Variants in MAN1A2 observed in about 807,000 individuals in gnomAD.
The protein encoded by MAN1A2 is mannosyl-oligosaccharide 1,2-alpha-mannosidase IB.
A neutral mutation model predicts 75.7 loss-of-function variants in MAN1A2; 26 were observed. That is an observed-to-expected ratio of 0.34 (90% CI 0.25 to 0.48). The LOEUF (loss-of-function observed/expected upper bound fraction) is 0.48. Ranked by LOEUF, MAN1A2 falls within the 20% of genes least tolerant of loss-of-function variation. The probability of loss-of-function intolerance (pLI) is 0.99; values close to 1 mark genes in which losing one functional copy is unlikely to be tolerated. For missense variants in MAN1A2, 562 were observed against 775.5 expected, an observed-to-expected ratio of 0.72 and a Z score of 3.27; for synonymous variants, 247 against 264.6, an observed-to-expected ratio of 0.93 and a Z score of 0.65.
intron 3 of MAN1A2, among the ~76,000 whole-genome samples, chr1:117,411,398 T>C (rs1472091424): frequency 6.6e-6 from 1 of 151,780 alleles, no homozygotes; most frequent in Non-Finnish European, 1.5e-5. Flanking sequence ...AGAATGAGCT[T>C]TGCCTCTTCC....
At chr1:117,492,782 C>A (rs1650922059) in intron 8 of MAN1A2, among the ~76,000 whole-genome samples, 1 of 151,912 alleles carries the variant, frequency 6.6e-6, no homozygotes, top group African/African-American at 2.4e-5. Flanking sequence ...TTAAGTTGAG[C>A]TTTCATATTT....
intron 4 of MAN1A2, among the ~76,000 whole-genome samples, chr1:117,418,732 G>A (rs1648093315): frequency 1.3e-5 from 2 of 152,014 alleles, no homozygotes; most frequent in South Asian, 4.1e-4. Context: ...TTTCAAAAAT[G>A]TCTCTATCCT....
chr1:117,521,904 A>G (rs937661604), intron 12 of MAN1A2, among the ~76,000 whole-genome samples: 2 of 151,938 alleles, frequency 1.3e-5, no homozygotes, highest in African/African-American at 2.4e-5. Flanking sequence ...ATTGGAAACT[A>G]TTATTCTAGG....
In MAN1A2 at chr1:117,406,878, A is replaced by C. The variant is rs939317389; in HGVS notation, c.655+1233A>C. Among the ~76,000 whole-genome samples, 3 of 152,052 alleles carry C rather than the reference A, an allele frequency of 2.0e-5. No homozygotes were observed. The East Asian group carries it at 5.8e-4, about 29-fold the overall frequency. On this transcript the variant is annotated intron_variant, in intron 3 of 12. Transcript: ENST00000356554. ...TCAACGGTAAATTGTGAGCCTTTTA[A>C]AAAGATTGGAGTATAAAAATGTATT...
chr1:117,430,057 C>A (rs1363675009), intron 5 of MAN1A2, among the ~76,000 whole-genome samples: 4 of 32,706 alleles, frequency 1.2e-4, no homozygotes, highest in African/African-American at 5.0e-4. Flanking sequence ...CCCTCCCGGA[C>A]GGGGCGGCTG....
chr1:117,368,625 C>T (rs1252856044), intron 1 of MAN1A2, 140 bp downstream of exon 1: 3 of 746,658 alleles, frequency 4.0e-6, no homozygotes, highest in African/African-American at 3.6e-5. Flanking sequence ...TCAAGACTGG[C>T]TGAATAAAAC....
intron 1 of MAN1A2, among the ~76,000 whole-genome samples, chr1:117,387,736 CCA>C (rs2101735151): frequency 6.6e-6 from 1 of 152,102 alleles, no homozygotes; most frequent in East Asian, 1.9e-4. Context: ...ACATTATTTC[CCA>C]CAGTTCTGGA....
At chr1:117,370,296 G>T (rs1245168039) in intron 1 of MAN1A2, among the ~76,000 whole-genome samples, 4 of 152,170 alleles carry the variant, frequency 2.6e-5, no homozygotes, top group Non-Finnish European at 5.9e-5. Flanking sequence ...GTTTTGGCTA[G>T]TAAGAGTCTG....
chr1:117,479,388 A>C (rs765449485), intron 8 of MAN1A2, among the ~76,000 whole-genome samples: 2 of 151,944 alleles, frequency 1.3e-5, no homozygotes, highest in Non-Finnish European at 2.9e-5. Flanking sequence ...ACTATTGTGA[A>C]TAGTGCTGCA....
intron 8 of MAN1A2, among the ~76,000 whole-genome samples, chr1:117,477,111 C>A (rs1650338629): frequency 6.6e-6 from 1 of 151,850 alleles, no homozygotes. Context: ...CTGAATAGAC[C>A]AATAACAAGT....
intron 3 of MAN1A2, among the ~76,000 whole-genome samples, chr1:117,408,772 A>AT (rs1458917339): frequency 2.9e-4 from 17 of 58,286 alleles, no homozygotes; most frequent in Non-Finnish European, 5.3e-4. Flanking sequence ...TTGCATCTGG[A>AT]ATTTTTTTTT....
At chr1:117,403,388 GCACT>G (rs1647506727) in intron 2 of MAN1A2, among the ~76,000 whole-genome samples, 1 of 152,108 alleles carries the variant, frequency 6.6e-6, no homozygotes, top group African/African-American at 2.4e-5. Context: ...ACTACTTAAG[GCACT>G]TCCTTCGGAC....
intron 6 of MAN1A2, among the ~76,000 whole-genome samples, chr1:117,454,861 A>G (rs576913283): frequency 2.0e-5 from 3 of 152,126 alleles, no homozygotes; most frequent in Non-Finnish European, 2.9e-5. Context: ...GAAGTGGTAT[A>G]ATATATAAAG....
At chr1:117,432,703 C>G (rs1648710140) in intron 5 of MAN1A2, among the ~76,000 whole-genome samples, 1 of 151,836 alleles carries the variant, frequency 6.6e-6, no homozygotes, top group Admixed American at 6.6e-5. Flanking sequence ...TCATTCTTCC[C>G]CAGAGGAACA....
chr1:117,446,197 G>A (rs59797722), intron 6 of MAN1A2, among the ~76,000 whole-genome samples: 37,765 of 150,884 alleles, frequency 0.25, 5,515 homozygotes, highest in East Asian at 0.47. Flanking sequence ...GTTTAATGAG[G>A]CATTTGTCAA....
intron 5 of MAN1A2, among the ~76,000 whole-genome samples, chr1:117,428,136 C>A (rs1445789077): frequency 2.0e-5 from 3 of 149,662 alleles, no homozygotes; most frequent in East Asian, 2.0e-4. Flanking sequence ...TGGGGGGGGA[C>A]CGAGTCTCAC....
At chr1:117,480,144 C>T (rs941272597) in intron 8 of MAN1A2, among the ~76,000 whole-genome samples, 2 of 151,880 alleles carry the variant, frequency 1.3e-5, no homozygotes, top group African/African-American at 2.4e-5. Context: ...AAGTGCTGCT[C>T]AGTACTCTGC....
At chr1:117,387,904 C>T (rs932863389) in intron 1 of MAN1A2, among the ~76,000 whole-genome samples, 1 of 151,958 alleles carries the variant, frequency 6.6e-6, no homozygotes, top group Non-Finnish European at 1.5e-5. Flanking sequence ...TCTTCCTTTC[C>T]TTATAGGGCC....
At chr1:117,414,945 C>G in intron 4 of MAN1A2, 114 bp downstream of exon 4, 1 of 652,576 alleles carries the variant, frequency 1.5e-6, no homozygotes, top group South Asian at 2.1e-5. Flanking sequence ...GAAACCTAAT[C>G]ACTAATGTGA....
Sources: allele counts gnomAD v4.1 joint callset (sites outside exome capture counted in the v4.1 genomes callset), GRCh38; gene constraint gnomAD v4.1.1; transcripts MANE v1.5; gene names NCBI Gene and HGNC (gene_info 2026-07-23, HGNC 2026-07-21).